Variants in TBCD observed in about 807,000 individuals in gnomAD.
The protein encoded by TBCD is tubulin folding cofactor D, also known as tubulin-specific chaperone D.
Under a neutral mutation model 169.3 loss-of-function variants are expected in TBCD, and 105 were observed. The ratio of observed to expected loss-of-function variants is 0.62; its 90% CI spans 0.53 to 0.73. The LOEUF (loss-of-function observed/expected upper bound fraction) is 0.73. Ranked by LOEUF, TBCD falls within the 30% of genes least tolerant of loss-of-function variation. The probability of loss-of-function intolerance (pLI) is 0.00; values close to 1 mark genes in which losing one functional copy is unlikely to be tolerated. For synonymous variants in TBCD, 700 were observed against 643.9 expected, an observed-to-expected ratio of 1.09 and a Z score of -1.32; for missense variants, 1,444 against 1,600.1, an observed-to-expected ratio of 0.90 and a Z score of 1.66.
chr17:82,838,849 T>TCAC, intron 13 of TBCD: 1 of 985,400 alleles, frequency 1.0e-6, no homozygotes, highest in Non-Finnish European at 1.2e-6. Flanking sequence ...AAACAAACGC[T>TCAC]CACCACTTTA....
intron 13 of TBCD, among the ~76,000 whole-genome samples, chr17:82,867,804 C>G (rs1030829903): frequency 2.0e-5 from 3 of 152,250 alleles, no homozygotes; most frequent in African/African-American, 7.2e-5. Flanking sequence ...GAGAGATACT[C>G]TTGCAAATCA....
intron 21 of TBCD, among the ~76,000 whole-genome samples, chr17:82,908,755 CCT>C (rs1471211784): frequency 6.6e-6 from 1 of 152,098 alleles, no homozygotes; most frequent in Non-Finnish European, 1.5e-5. Context: ...GCCATGGCTC[CCT>C]TTTTTCAGTA....
intron 28 of TBCD, chr17:82,926,913 G>A (rs1353139848): frequency 2.6e-5 from 14 of 533,142 alleles, no homozygotes; most frequent in South Asian, 4.4e-5. Context: ...GCCAGCATCC[G>A]TTCCCTCTAG....
At chr17:82,938,018 C>G in intron 35 of TBCD, 31 bp from the exon 36 acceptor site, 10 of 1,611,360 alleles carry the variant, frequency 6.2e-6, no homozygotes, top group Non-Finnish European at 8.5e-6. Flanking sequence ...CGGGGTGGGG[C>G]TCACCTGGAG....
rs559368717 is a variant in TBCD at position 82,782,421 on chromosome 17, G to A, written c.771+700G>A. Among the ~76,000 whole-genome samples, 14 of 152,304 alleles carry A rather than the reference G, an allele frequency of 9.2e-5. No individual in the cohort carries two copies. The highest frequency in any genetic ancestry group is 5.8e-4 in the East Asian group (3 of 5,184). On this transcript the variant is annotated intron_variant, in intron 7 of 38. Transcript: ENST00000355528. The surrounding 1 kb of genome is among the most constrained non-coding windows in gnomAD (Gnocchi z 5.1). ...GCCTTCTTCTCTCTTTAATTACAGC[G>A]GGTGAGGCTTTGAGAGCACTTCTCA...
At chr17:82,928,478 GTC>G (rs916767462) in intron 30 of TBCD, among the ~76,000 whole-genome samples, 3 of 151,858 alleles carry the variant, frequency 2.0e-5, no homozygotes, top group Non-Finnish European at 4.4e-5. Context: ...CTTTCTGTCG[GTC>G]TCTCTGTCGG....
chr17:82,830,561 T>C, intron 13 of TBCD: 1 of 1,614,040 alleles, frequency 6.2e-7, no homozygotes, highest in Non-Finnish European at 8.5e-7. Flanking sequence ...TCTGTCCCAG[T>C]CTTCTGTGGA....
intron 13 of TBCD, among the ~76,000 whole-genome samples, chr17:82,846,599 C>G (rs1309334929): frequency 6.6e-6 from 1 of 152,210 alleles, no homozygotes; most frequent in East Asian, 1.9e-4. Context: ...TGGTGGTACA[C>G]AGGCTTGCTG....
chr17:82,801,440 G>A (rs1033823827), intron 9 of TBCD, among the ~76,000 whole-genome samples: 19 of 151,618 alleles, frequency 1.3e-4, no homozygotes, highest in African/African-American at 4.6e-4. Context: ...TGGCGTGTGC[G>A]TCGTGTGGCT....
At chr17:82,939,297 G>A in intron 36 of TBCD, 70 bp from the exon 37 acceptor site, 2 of 1,275,720 alleles carry the variant, frequency 1.6e-6, no homozygotes, top group Non-Finnish European at 2.2e-6. Context: ...CCCTGGCCTG[G>A]GTCCTGTCGT....
At chr17:82,856,116 G>A (rs116562298) in intron 13 of TBCD, among the ~76,000 whole-genome samples, 1,530 of 147,328 alleles carry the variant, frequency 0.01, 32 homozygotes, top group African/African-American at 0.036. Flanking sequence ...GTGATTACAG[G>A]CATGAGCCTG....
In TBCD at chr17:82,789,009, AG is replaced by A. The variant is rs748313760; in HGVS notation, c.771+7291del. Among the ~76,000 whole-genome samples the A allele has an allele frequency of 6.6e-6, 1 of 152,184 alleles. No individual in the cohort carries two copies. The highest frequency in any genetic ancestry group is 1.5e-5 in the Non-Finnish European group (1 of 68,024). ...GGAACAGCACCCTACTGTTTCATTT[AG>A]GGTTCAGTGTGGCCAGAGGAAGATG... On this transcript the variant is annotated intron_variant, in intron 7 of 38. Coordinates refer to ENST00000355528, the MANE Select transcript of TBCD (RefSeq NM_005993.5). The surrounding 1 kb of genome is among the most constrained non-coding windows in gnomAD (Gnocchi z 4.8).
rs530406016 is a variant in TBCD at position 82,870,359 on chromosome 17, C to G, written c.1454C>G (p.Pro485Arg). The G allele has an allele frequency of 6.2e-7, 1 of 1,613,134 alleles. No individual in the cohort carries two copies. The highest frequency in any genetic ancestry group is 8.5e-7 in the Non-Finnish European group (1 of 1,179,750). ...ARAYEPQELK[P>R]FVTAISSALV... The stretch of plus-strand genomic sequence containing the variant: ...GCCTATGAGCCTCAGGAGCTGAAGC[C>G]CTTTGTGACTGCAATCTCGAGGTAG... Residue 485 changes from proline (P) to arginine (R), a missense_variant, in exon 14 of 39, where the codon CCC (proline) becomes CGC (arginine). Transcript: ENST00000355528.
rs2053928559 is a variant in TBCD, at chr17:82,835,913, G to C, written c.1318+20979G>C. Among the ~76,000 whole-genome samples, 1 of 152,218 alleles carries C rather than the reference G, an allele frequency of 6.6e-6. No individual in the cohort carries two copies. The highest frequency in any genetic ancestry group is 2.1e-4 in the South Asian group (1 of 4,834). On this transcript the variant is annotated intron_variant, in intron 13 of 38. Coordinates refer to ENST00000355528, the MANE Select transcript of TBCD (RefSeq NM_005993.5). This position sits in a 1 kb window ranked among gnomAD's most constrained non-coding sequence, Gnocchi z 4.5. ...AGGGACAGCGAGGCACGGTTTGGAT[G>C]AGGACAAGATGTTTGTTACCCTACA... is the stretch of plus-strand genomic sequence containing the variant.
In TBCD at chr17:82,814,836, TCA is replaced by T; in HGVS notation, c.1224-3_1224-2del. On this transcript the variant is annotated splice_acceptor_variant and splice_polypyrimidine_tract_variant and intron_variant, in intron 12 of 38. Transcript: ENST00000355528. LOFTEE classifies it high-confidence loss of function. Reference sequence around the variant, plus strand: ...TGTGGTCTCAGGATCTTTGTTGCTCTCAGTTTCCAGGAGACTGACAAGGCGTG... The same window carrying T: ...TGTGGTCTCAGGATCTTTGTTGCTCTGTTTCCAGGAGACTGACAAGGCGTG... 6.2e-7 allele frequency: 1 copy of T among 1,613,796 alleles called. No individual in the cohort carries two copies. The highest frequency in any genetic ancestry group is 8.5e-7 in the Non-Finnish European group (1 of 1,179,818).
chr17:82,809,691 C>T lies in TBCD; in HGVS notation c.1149-17C>T, dbSNP rs1344969461. 6.2e-7 allele frequency: 1 copy of T among 1,611,620 alleles called. No homozygotes were observed. Among genetic ancestry groups the T allele is most frequent in the South Asian group, 1.1e-5 (1 of 90,562 alleles). Reference sequence around the variant, plus strand: ...GGCTGGTGGTGCCCCTGACGGATTGCTGCGTTTCTCTTTCAGCATCGGTAG... The same window carrying T: ...GGCTGGTGGTGCCCCTGACGGATTGTTGCGTTTCTCTTTCAGCATCGGTAG... On this transcript the variant is annotated splice_polypyrimidine_tract_variant and intron_variant, in intron 11 of 38. Coordinates refer to ENST00000355528, the MANE Select transcript of TBCD (RefSeq NM_005993.5).
intron 15 of TBCD, among the ~76,000 whole-genome samples, chr17:82,886,645 C>T: frequency 1.4e-3 from 1 of 690 alleles, no homozygotes; most frequent in African/African-American, 4.0e-3. Flanking sequence ...TCTCCCCTCC[C>T]CTCCCCTCCC....
chr17:82,795,519 C>G (rs961909018), intron 7 of TBCD: 4 of 985,440 alleles, frequency 4.1e-6, no homozygotes, highest in Admixed American at 6.1e-5. Flanking sequence ...CACTGTTCAT[C>G]CCCAGGTTCT....
At chr17:82,778,959 G>C (rs1210298495) in intron 6 of TBCD, among the ~76,000 whole-genome samples, 1 of 151,830 alleles carries the variant, frequency 6.6e-6, no homozygotes, top group African/African-American at 2.4e-5. Context: ...ACTGCGCCCG[G>C]CCATGCCTGG....
Sources: gnomAD v4.1 joint callset for allele counts (sites outside exome capture counted in the v4.1 genomes callset) on GRCh38, gnomAD v4.1.1 for gene constraint, Gnocchi (gnomAD v3.1) non-coding constraint, MANE v1.5 for transcripts, NCBI Gene and HGNC (gene_info 2026-07-23, HGNC 2026-07-21) for gene names.